USP48: variants seen among roughly 807,000 people sequenced by gnomAD.
USP48 encodes the protein ubiquitin carboxyl-terminal hydrolase 48.
USP48 carries 43 observed loss-of-function variants against 150.7 expected under a neutral mutation model. The observed-to-expected ratio is 0.29, with a 90% confidence interval of 0.22 to 0.37. The LOEUF (loss-of-function observed/expected upper bound fraction) is 0.37, where lower values mean the gene tolerates loss of function less well. USP48 is among the 10% of genes least tolerant of loss of function. The pLI is 1.00. For missense variants in USP48, 813 were observed against 1,249.6 expected, an observed-to-expected ratio of 0.65 and a Z score of 5.27; for synonymous variants, 396 against 425.9, an observed-to-expected ratio of 0.93 and a Z score of 0.86.
At chr1:21,752,285 G>A (rs1190668376) in intron 5 of USP48, among the ~76,000 whole-genome samples, 1 of 152,080 alleles carries the variant, frequency 6.6e-6, no homozygotes, top group Non-Finnish European at 1.5e-5. Flanking sequence ...ACACCACACA[G>A]CCATAAAGCA....
intron 14 of USP48, among the ~76,000 whole-genome samples, chr1:21,717,470 A>AC (rs34313888): frequency 2.0e-5 from 3 of 149,088 alleles, no homozygotes; most frequent in Non-Finnish European, 4.5e-5. Flanking sequence ...AAACAAACAA[A>AC]AAAACCCCAC....
chr1:21,686,284 T>G lies in USP48; in HGVS notation c.3058+907A>C, dbSNP rs558893086. 2.0e-5 allele frequency: 3 copies of G among 152,376 alleles called. No homozygotes were observed. The South Asian group carries it at 6.2e-4, about 32-fold the overall frequency. 9.4% of individuals were successfully genotyped at this position (152,376 alleles called of 1,614,324 possible). Reference sequence around the variant, plus strand: ...ATTCCAGTTCTTAGAGGAAAGGCTTTAAGCTTTTCGCCATTAGGTATGATG... The same window carrying G: ...ATTCCAGTTCTTAGAGGAAAGGCTTGAAGCTTTTCGCCATTAGGTATGATG... On this transcript the variant is annotated intron_variant, in intron 25 of 26. Transcript: ENST00000308271.
chr1:21,731,176 T>C (rs2097755876), intron 9 of USP48, among the ~76,000 whole-genome samples: 1 of 152,242 alleles, frequency 6.6e-6, no homozygotes, highest in African/African-American at 2.4e-5. Context: ...ATTAGCTCAG[T>C]AATCATTTTA....
chr1:21,747,268 C>T (rs2097796721), intron 7 of USP48, 119 bp from the exon 8 acceptor site: 1 of 592,262 alleles, frequency 1.7e-6, no homozygotes, highest in African/African-American at 1.9e-5. Context: ...CAATCTTCCT[C>T]CAAAACATGT....
At chr1:21,753,842 A>C (rs1019158050) in intron 3 of USP48, among the ~76,000 whole-genome samples, 19 of 150,546 alleles carry the variant, frequency 1.3e-4, no homozygotes, top group Non-Finnish European at 2.1e-4. Flanking sequence ...AAAAAAAAAA[A>C]AAAAAACTTT....
At chr1:21,684,082 C>T (rs1452445462) in intron 25 of USP48, among the ~76,000 whole-genome samples, 1 of 152,144 alleles carries the variant, frequency 6.6e-6, no homozygotes. Flanking sequence ...GTGAACAGTG[C>T]TGCAATAAAC....
At chr1:21,714,397 GA>G (rs1208888883) in intron 15 of USP48, among the ~76,000 whole-genome samples, 3 of 152,158 alleles carry the variant, frequency 2.0e-5, no homozygotes, top group African/African-American at 7.2e-5. Flanking sequence ...ACCCTCCTGA[GA>G]AACTGAAACT....
intron 19 of USP48, 61 bp downstream of exon 19, chr1:21,705,666 T>G: frequency 8.0e-7 from 1 of 1,243,500 alleles, no homozygotes; most frequent in East Asian, 2.5e-5. Flanking sequence ...CTAAACATAT[T>G]TTATTAATCA....
In USP48 at chr1:21,699,545, GCT is replaced by G. The variant is rs565201218; in HGVS notation, c.2727+1951_2727+1952del. Among the ~76,000 whole-genome samples the G allele has an allele frequency of 2.0e-5, 3 of 150,324 alleles. No individual in the cohort carries two copies. In the South Asian group the frequency reaches 6.3e-4, roughly 32 times the overall value. On this transcript the variant is annotated intron_variant, in intron 22 of 26. Coordinates refer to ENST00000308271, the MANE Select transcript of USP48 (RefSeq NM_032236.8). Reference sequence around the variant, plus strand: ...TTATTTATTTTTGAGACGGAGTCTCGCTCTGTCACCCAGGCTGGAGTGCAGTG... The same window carrying G: ...TTATTTATTTTTGAGACGGAGTCTCGCTGTCACCCAGGCTGGAGTGCAGTG...
chr1:21,736,065 ACTCT>A (rs1283363977), intron 9 of USP48, among the ~76,000 whole-genome samples: 1 of 151,862 alleles, frequency 6.6e-6, no homozygotes, highest in African/African-American at 2.4e-5. Context: ...ACAGAGTAAG[ACTCT>A]CTCTTACTGA....
At chr1:21,715,911 A>G (rs2097702821) in intron 14 of USP48, among the ~76,000 whole-genome samples, 1 of 152,206 alleles carries the variant, frequency 6.6e-6, no homozygotes, top group Non-Finnish European at 1.5e-5. Flanking sequence ...CTGATCAGTC[A>G]GGGCATATGT....
At chr1:21,759,185 A>C (rs1199445984) in intron 1 of USP48, among the ~76,000 whole-genome samples, 2 of 148,344 alleles carry the variant, frequency 1.3e-5, no homozygotes, top group Non-Finnish European at 3.0e-5. Flanking sequence ...CGGTCTCAAA[A>C]AAAAAAAAAA....
chr1:21,680,398 G>A (rs1243670619), intron 26 of USP48, among the ~76,000 whole-genome samples: 1 of 152,156 alleles, frequency 6.6e-6, no homozygotes, highest in Non-Finnish European at 1.5e-5. Context: ...TCTTTTCACT[G>A]GACTTGATAA....
chr1:21,764,468 G>A (rs1008387072), intron 1 of USP48, among the ~76,000 whole-genome samples: 3 of 151,432 alleles, frequency 2.0e-5, no homozygotes, highest in Non-Finnish European at 4.4e-5. Context: ...GGGCGCAGTG[G>A]GAGGCCGAGG....
At chr1:21,774,180 AAATAATAATAAT>A (rs57694769) in intron 1 of USP48, among the ~76,000 whole-genome samples, 390 of 141,188 alleles carry the variant, frequency 2.8e-3, no homozygotes, top group East Asian at 6.9e-3. Context: ...CTCCGTCTCA[AAATAATAATAAT>A]AATAATAATA....
intron 15 of USP48, 137 bp downstream of exon 15, chr1:21,715,252 C>A: frequency 1.8e-6 from 1 of 568,284 alleles, no homozygotes; most frequent in Non-Finnish European, 3.1e-6. Context: ...ATGATTTCCT[C>A]TAAATATGGG....
intron 1 of USP48, among the ~76,000 whole-genome samples, chr1:21,769,703 G>A (rs1342109901): frequency 1.3e-5 from 2 of 152,152 alleles, no homozygotes; most frequent in South Asian, 2.1e-4. Flanking sequence ...AAGCCACTGC[G>A]CCGGGCCTAC....
intron 14 of USP48, among the ~76,000 whole-genome samples, chr1:21,718,909 A>G (rs1455327478): frequency 6.6e-6 from 1 of 152,188 alleles, no homozygotes; most frequent in East Asian, 1.9e-4. Context: ...AAATGACAGG[A>G]TACTAGAACT....
intron 8 of USP48, among the ~76,000 whole-genome samples, chr1:21,741,671 G>A (rs2097782004): frequency 6.6e-6 from 1 of 152,114 alleles, no homozygotes; most frequent in East Asian, 1.9e-4. Flanking sequence ...AAAAAAGGTA[G>A]AACTAAAATA....
Sources: allele counts gnomAD v4.1 joint callset (sites outside exome capture counted in the v4.1 genomes callset), GRCh38; gene constraint gnomAD v4.1.1; transcripts MANE v1.5; gene names NCBI Gene and HGNC (gene_info 2026-07-23, HGNC 2026-07-21).